HERC2: variants seen among roughly 807,000 people sequenced by gnomAD.
HERC2 encodes the protein E3 ubiquitin-protein ligase HERC2.
HERC2 carries 102 observed loss-of-function variants against 537.7 expected under a neutral mutation model. The observed-to-expected ratio is 0.19, with a 90% CI of 0.16 to 0.22. HERC2 has a LOEUF of 0.22. HERC2 is among the 10% of genes least tolerant of loss of function. HERC2 has a pLI of 1.00. For synonymous variants in HERC2, 2,224 were observed against 2,466.2 expected (o/e 0.90, Z 2.91); for missense variants, 4,236 against 6,198.2 (o/e 0.68, Z 10.63).
intron 2 of HERC2, among the ~76,000 whole-genome samples, chr15:28,316,222 C>CAAAAAA (rs869089875): frequency 2.0e-5 from 1 of 50,554 alleles, no homozygotes. Context: ...GACTCTGTCT[C>CAAAAAA]AAAAAAAAAA....
intron 57 of HERC2, 80 bp from the exon 58 acceptor site, chr15:28,179,303 T>C (rs939896404): frequency 2.1e-5 from 23 of 1,078,944 alleles, no homozygotes; most frequent in Non-Finnish European, 3.0e-5. Context: ...CCTTATTATA[T>C]GATACAAGGA....
rs1486174302 is a variant in HERC2, at chr15:28,228,303, G to A, written c.5379C>T (p.Leu1793=). The change falls in exon 35 of 93, where the codon CTC becomes CTT. Residue 1793 remains leucine (L), a synonymous_variant. Coordinates refer to ENST00000261609, the MANE Select transcript of HERC2 (RefSeq NM_004667.6). The part of the protein sequence containing the change: ...ARFLLVMLSM[L]TLQHGANNLD... ...GGTTGTTTGCGCCGTGCTGCAGGGT[G>A]AGCATGCTGAGCATCACCAGGAGGA... The A allele has an allele frequency of 6.2e-7, 1 of 1,612,754 alleles. No homozygotes were observed. The highest frequency in any genetic ancestry group is 1.7e-5 in the Admixed American group (1 of 60,014).
intron 3 of HERC2, among the ~76,000 whole-genome samples, chr15:28,299,089 A>C (rs2525955): frequency 6.6e-6 from 1 of 152,150 alleles, no homozygotes; most frequent in Admixed American, 6.5e-5. Flanking sequence ...AAAACTACAA[A>C]GCTAAATAAG....
chr15:28,198,145 C>G (rs1897528063), intron 50 of HERC2, among the ~76,000 whole-genome samples: 1 of 152,100 alleles, frequency 6.6e-6, no homozygotes, highest in African/African-American at 2.4e-5. Flanking sequence ...CACCCATTCC[C>G]CAAGGTGTGT....
rs139608578 is a variant in HERC2 at position 28,274,446 on chromosome 15, G to T, written c.645C>A (p.Gly215=). The T allele has an allele frequency of 5.0e-6, 8 of 1,608,332 alleles. No individual in the cohort carries two copies. The highest frequency in any genetic ancestry group is 6.8e-6 in the Non-Finnish European group (8 of 1,177,552). Reference sequence around the variant, plus strand: ...GCTCACTGCAGAGGTCCGCATCCTCGCCTGGGCGCACACACGCGTCAGAGG... The same window carrying T: ...GCTCACTGCAGAGGTCCGCATCCTCTCCTGGGCGCACACACGCGTCAGAGG... The part of the protein sequence containing the change: ...FAFLRRAWRS[G]EDADLCSELL... The change falls in exon 7 of 93, where the codon GGC becomes GGA. Residue 215 remains glycine, a splice_region_variant and synonymous_variant. Transcript: ENST00000261609.
intron 30 of HERC2, 80 bp downstream of exon 30, chr15:28,233,066 T>G: frequency 9.2e-7 from 1 of 1,087,870 alleles, no homozygotes; most frequent in Non-Finnish European, 1.4e-6. Flanking sequence ...GTAGAGAAAC[T>G]TCACTCTGAA....
chr15:28,143,965 G>C lies in HERC2; in HGVS notation c.11326C>G (p.Gln3776Glu). The C allele has an allele frequency of 1.2e-6, 2 of 1,614,164 alleles. No homozygotes were observed. The highest frequency in any genetic ancestry group is 1.6e-4 in the Middle Eastern group (1 of 6,062). Residue 3776 changes from glutamine (Q) to glutamate (E), a missense_variant, in exon 74 of 93, where the codon CAG becomes GAG. Coordinates refer to ENST00000261609, the MANE Select transcript of HERC2 (RefSeq NM_004667.6). The part of the protein sequence containing the change: ...LAASHRMWAL[Q>E]RLRKLLTTEF... ...GTTGTAAGCAGCTTCCTCAGTCTCTGAAGGGCCCACATTCTGTGACTGGCA... is the reference window on the plus strand; with the variant it reads ...GTTGTAAGCAGCTTCCTCAGTCTCTCAAGGGCCCACATTCTGTGACTGGCA...
At chr15:28,136,515 C>A (rs892740055) in intron 78 of HERC2, among the ~76,000 whole-genome samples, 4 of 152,210 alleles carry the variant, frequency 2.6e-5, no homozygotes, top group Admixed American at 2.6e-4. Flanking sequence ...AAGGGTTGCC[C>A]CTCAGTGACT....
chr15:28,157,076 C>A (rs1893085745), intron 69 of HERC2, among the ~76,000 whole-genome samples: 1 of 152,176 alleles, frequency 6.6e-6, no homozygotes, highest in Non-Finnish European at 1.5e-5. Context: ...GTTGAATCAG[C>A]CTTGCATCAC....
chr15:28,148,375 T>C (rs1302561484), intron 70 of HERC2, among the ~76,000 whole-genome samples: 1 of 151,934 alleles, frequency 6.6e-6, no homozygotes, highest in Non-Finnish European at 1.5e-5. Context: ...AGGTAGAAAG[T>C]ACTTGAAAGA....
chr15:28,201,656 A>G, intron 47 of HERC2, 102 bp from the exon 48 acceptor site: 1 of 759,788 alleles, frequency 1.3e-6, no homozygotes, highest in Non-Finnish European at 2.2e-6. Flanking sequence ...AAAGTAGAGG[A>G]TGAAATCCTT....
intron 45 of HERC2, among the ~76,000 whole-genome samples, chr15:28,205,008 A>C (rs1898268533): frequency 6.6e-6 from 1 of 152,008 alleles, no homozygotes; most frequent in Non-Finnish European, 1.5e-5. Flanking sequence ...AGCTTCAGCA[A>C]ATTTCAAGGA....
In HERC2 at chr15:28,209,552, C is replaced by G. The variant is rs112934782; in HGVS notation, c.7069+1450G>C. ...TAGAGATGGAGTTTCACCGTGTTAG[C>G]CAGGATGGTCTCGATCTCCTGACCT... On this transcript the variant is annotated intron_variant, in intron 44 of 92. Coordinates refer to ENST00000261609, the MANE Select transcript of HERC2 (RefSeq NM_004667.6). Among the ~76,000 whole-genome samples, 248 of 152,240 alleles carry G rather than the reference C, an allele frequency of 1.6e-3. 1 individual carries two copies. The highest frequency in any genetic ancestry group is 5.5e-3 in the African/African-American group (230 of 41,536).
chr15:28,147,473 A>T (rs1229284436), intron 70 of HERC2, among the ~76,000 whole-genome samples: 1 of 149,988 alleles, frequency 6.7e-6, no homozygotes, highest in African/African-American at 2.4e-5. Flanking sequence ...TATATTATAT[A>T]TTTTAAAATA....
Position 28,141,608 on chromosome 15 carries a change from A to T in HERC2, c.11839T>A (p.Ser3947Thr). The T allele has an allele frequency of 6.2e-7, 1 of 1,614,188 alleles. No homozygotes were observed. Among genetic ancestry groups the T allele is most frequent in the Non-Finnish European group, 8.5e-7 (1 of 1,180,034 alleles). ...MNRRPDDWTL[S>T]AGGSGTIYGW... ...TAAATTGTTCCACTGCCACCAGCAG[A>T]GAGAGTCCAGTCATCTGGTCGCCTA... is the stretch of plus-strand genomic sequence containing the variant. Residue 3947 changes from serine to threonine, a missense_variant, in exon 78 of 93, where the codon TCT becomes ACT. Physicochemically the swap from Ser to Thr is moderately conservative, Grantham distance 58. Transcript: ENST00000261609.
At chr15:28,191,664 A>G (rs1896866387) in intron 53 of HERC2, among the ~76,000 whole-genome samples, 1 of 152,222 alleles carries the variant, frequency 6.6e-6, no homozygotes, top group African/African-American at 2.4e-5. Context: ...TTCTAACCAG[A>G]AGCAAATCTG....
chr15:28,246,091 T>A, intron 22 of HERC2, 25 bp from the exon 23 acceptor site: 1 of 1,443,858 alleles, frequency 6.9e-7, no homozygotes, highest in Non-Finnish European at 9.6e-7. Context: ...TAATAAGATT[T>A]AAATAAGTAT....
intron 5 of HERC2, among the ~76,000 whole-genome samples, chr15:28,277,399 G>A (rs1225904141): frequency 6.6e-5 from 10 of 151,668 alleles, no homozygotes; most frequent in Admixed American, 1.3e-4. Flanking sequence ...TGAGGGCAAC[G>A]GGACGAACAG....
In HERC2 at chr15:28,116,719, G is replaced by A. The variant is rs569530090; in HGVS notation, c.13555C>T (p.Leu4519=). Residue 4519 remains leucine (L), a synonymous_variant, in exon 88 of 93, where the codon CTG becomes TTG. Coordinates refer to ENST00000261609, the MANE Select transcript of HERC2 (RefSeq NM_004667.6). ...GGTGCTCTGGCGGCCGGGCTGAGCA[G>A]GTAGCAGTCTCGGTTGGCCCCAGAC... ...DESGANRDCY[L]LSPAARAPVH... is the part of the protein sequence containing the mutation. The A allele has an allele frequency of 1.8e-5, 29 of 1,613,974 alleles. No homozygotes were observed. In the African/African-American group the frequency reaches 2.8e-4, roughly 16 times the overall value.
Sources: allele counts gnomAD v4.1 joint callset (sites outside exome capture counted in the v4.1 genomes callset), GRCh38; gene constraint gnomAD v4.1.1; transcripts MANE v1.5; gene names NCBI Gene and HGNC (gene_info 2026-07-23, HGNC 2026-07-21).